The following NRG1 variants were observed in gnomAD, a reference collection of about 807,000 sequenced individuals.
NRG1 encodes neuregulin 1.
A neutral mutation model predicts 63.8 loss-of-function variants in NRG1; 18 were observed. That is an observed-to-expected ratio of 0.28 (90% CI 0.19 to 0.42). The LOEUF is 0.42. Ranked by LOEUF, NRG1 falls within the 10% of genes least tolerant of loss-of-function variation. The probability of loss-of-function intolerance (pLI) is 1.00; values close to 1 mark genes in which losing one functional copy is unlikely to be tolerated. For missense variants in NRG1, 762 were observed against 814.7 expected (o/e 0.94, Z 0.79); for synonymous variants, 302 against 301.3 (o/e 1.00, Z -0.02).
chr8:32,198,369 G>C (rs1381257711), intron 1 of NRG1, among the ~76,000 whole-genome samples: 3 of 151,962 alleles, frequency 2.0e-5, no homozygotes, highest in African/African-American at 7.3e-5. Flanking sequence ...GTTGAGACAG[G>C]GTTTCGCCAT....
At chr8:31,799,952 C>T (rs1166414023) in intron 1 of NRG1, among the ~76,000 whole-genome samples, 1 of 152,126 alleles carries the variant, frequency 6.6e-6, no homozygotes, top group Non-Finnish European at 1.5e-5. Flanking sequence ...TTATGTATAG[C>T]AACTAGAGCT....
chr8:32,525,428 G>A (rs1160944335), intron 1 of NRG1, among the ~76,000 whole-genome samples: 1 of 149,070 alleles, frequency 6.7e-6, no homozygotes, highest in East Asian at 2.0e-4. Context: ...GTGTGTGTGT[G>A]TAGTGTCTAA....
At chr8:31,783,741 G>A (rs530703662) in intron 1 of NRG1, among the ~76,000 whole-genome samples, 1 of 152,262 alleles carries the variant, frequency 6.6e-6, no homozygotes, top group South Asian at 2.1e-4. Context: ...TGGAACAACT[G>A]AGATGTTTTA....
intron 1 of NRG1, among the ~76,000 whole-genome samples, chr8:32,208,667 C>T (rs533468900): frequency 1.8e-4 from 27 of 152,084 alleles, no homozygotes; most frequent in East Asian, 5.8e-4. Context: ...ATTATGTATA[C>T]GGATGCTCCT....
chr8:32,531,673 G>A (rs1297870865), intron 1 of NRG1, among the ~76,000 whole-genome samples: 4 of 152,120 alleles, frequency 2.6e-5, no homozygotes, highest in Non-Finnish European at 5.9e-5. Context: ...ATTACTTAGG[G>A]TGTTGTATGG....
At chr8:32,307,621 G>GTGTGTGTT (rs1306154857) in intron 1 of NRG1, among the ~76,000 whole-genome samples, 3 of 129,246 alleles carry the variant, frequency 2.3e-5, no homozygotes, top group African/African-American at 7.7e-5. Flanking sequence ...GTGTGTGTGT[G>GTGTGTGTT]TGTGTGTTTG....
chr8:31,968,985 C>A (rs993321386), intron 1 of NRG1, among the ~76,000 whole-genome samples: 3 of 152,196 alleles, frequency 2.0e-5, no homozygotes, highest in African/African-American at 7.2e-5. Context: ...CTCCTCAGCT[C>A]TCCCAGCATT....
chr8:32,738,846 A>C (rs1825724165), intron 6 of NRG1, among the ~76,000 whole-genome samples: 1 of 152,168 alleles, frequency 6.6e-6, no homozygotes, highest in Non-Finnish European at 1.5e-5. Context: ...TGAAGGCTAC[A>C]TCCTTTTGTT....
chr8:31,927,886 C>T (rs146713766), intron 1 of NRG1, among the ~76,000 whole-genome samples: 17 of 147,374 alleles, frequency 1.2e-4, no homozygotes, highest in African/African-American at 3.7e-4. Context: ...TATTATAATA[C>T]TTTAAGTTTT....
chr8:32,128,157 G>C (rs1351671896), intron 1 of NRG1, among the ~76,000 whole-genome samples: 6 of 151,874 alleles, frequency 4.0e-5, no homozygotes, highest in Non-Finnish European at 7.4e-5. Context: ...CTGAACCTGG[G>C]AACTAACATG....
At chr8:31,764,111 C>A (rs553181706) in intron 1 of NRG1, among the ~76,000 whole-genome samples, 130 of 151,120 alleles carry the variant, frequency 8.6e-4, no homozygotes, top group African/African-American at 3.1e-3. Context: ...ATGTTATTTT[C>A]TTTTCTGAGA....
At chr8:31,947,449 A>G (rs1050947737) in intron 1 of NRG1, among the ~76,000 whole-genome samples, 1 of 151,366 alleles carries the variant, frequency 6.6e-6, no homozygotes, top group Admixed American at 6.6e-5. Flanking sequence ...ATTATTATTT[A>G]TTACTGAATC....
intron 11 of NRG1, chr8:32,763,287 A>G: frequency 6.2e-7 from 1 of 1,613,896 alleles, no homozygotes; most frequent in Non-Finnish European, 8.5e-7. Context: ...TCCAGCTATC[A>G]GCAACTCATC....
At chr8:32,574,601 T>A (rs1023271479) in intron 1 of NRG1, among the ~76,000 whole-genome samples, 1 of 152,088 alleles carries the variant, frequency 6.6e-6, no homozygotes, top group Non-Finnish European at 1.5e-5. Flanking sequence ...GTGGTCTCTC[T>A]CTCTTTCTCT....
chr8:32,531,257 A>C (rs1831426355), intron 1 of NRG1, among the ~76,000 whole-genome samples: 1 of 152,144 alleles, frequency 6.6e-6, no homozygotes, highest in Non-Finnish European at 1.5e-5. Context: ...AAACTAGAAA[A>C]AAGGAAAGAG....
intron 1 of NRG1, among the ~76,000 whole-genome samples, chr8:31,939,998 T>C (rs2129620963): frequency 6.6e-6 from 1 of 152,160 alleles, no homozygotes; most frequent in East Asian, 1.9e-4. Flanking sequence ...CTGACAGCAC[T>C]AAACTGGTCA....
intron 1 of NRG1, among the ~76,000 whole-genome samples, chr8:31,698,597 G>C (rs760138913): frequency 1.3e-5 from 2 of 152,178 alleles, no homozygotes; most frequent in Non-Finnish European, 2.9e-5. Flanking sequence ...TGGCTGAAAT[G>C]AAAGTTTTCA....
intron 6 of NRG1, among the ~76,000 whole-genome samples, chr8:32,736,216 A>G (rs1035942463): frequency 1.3e-5 from 2 of 152,242 alleles, no homozygotes; most frequent in East Asian, 3.8e-4. Context: ...TGCAAACCTC[A>G]AGAAACTTCA....
rs5890637 is a variant in NRG1 at position 32,322,862 on chromosome 8, G to GTTT, written c.38-272956_38-272954dup. On this transcript the variant is annotated intron_variant, in intron 1 of 10. Transcript: ENST00000519301. ...TTATTCTATAATAGCAATTCTCTGGGTTTTTTTTTTTTCATACTTATAACA... is the reference window on the plus strand; with the variant it reads ...TTATTCTATAATAGCAATTCTCTGGGTTTTTTTTTTTTTTTCATACTTATAACA... Among the ~76,000 whole-genome samples the GTTT allele has an allele frequency of 2.3e-3, 337 of 146,954 alleles. 2 individuals carry two copies. Among genetic ancestry groups the GTTT allele is most frequent in the South Asian group, 5.0e-3 (23 of 4,638 alleles).
Sources: gnomAD v4.1 joint callset for allele counts (sites outside exome capture counted in the v4.1 genomes callset) on GRCh38, gnomAD v4.1.1 for gene constraint, MANE v1.5 for transcripts, NCBI Gene and HGNC (gene_info 2026-07-23, HGNC 2026-07-21) for gene names.